Variants in CADM2 observed in about 807,000 individuals in gnomAD.
CADM2 encodes immunoglobulin superfamily member 4D.
Under a neutral mutation model 49.8 loss-of-function variants are expected in CADM2, and 12 were observed. That is an observed-to-expected ratio of 0.24 (90% CI 0.15 to 0.39). The LOEUF (loss-of-function observed/expected upper bound fraction) is 0.39. Among genes scored for constraint, CADM2 ranks in the 10% least tolerant of loss-of-function variants. The pLI is 1.00. For synonymous variants in CADM2, 214 were observed against 175.4 expected (o/e 1.22, Z -1.74); for missense variants, 378 against 492.3 (o/e 0.77, Z 2.20).
chr3:85,676,412 A>C (rs1250335642), intron 1 of CADM2, among the ~76,000 whole-genome samples: 6 of 152,126 alleles, frequency 3.9e-5, no homozygotes. Context: ...CATGCCTATT[A>C]ATTTAAAGTG....
intron 1 of CADM2, among the ~76,000 whole-genome samples, chr3:85,428,507 A>G (rs962895007): frequency 6.8e-6 from 1 of 146,392 alleles, no homozygotes; most frequent in Non-Finnish European, 1.5e-5. Flanking sequence ...CTATGGGGAT[A>G]TGTATTAGTA....
chr3:85,146,619 G>T (rs1360097776), intron 1 of CADM2, among the ~76,000 whole-genome samples: 2 of 151,962 alleles, frequency 1.3e-5, no homozygotes, highest in African/African-American at 4.8e-5. Flanking sequence ...GAATGTATTT[G>T]GAATTTTATT....
At chr3:85,934,686 G>T (rs1720984663) in intron 6 of CADM2, among the ~76,000 whole-genome samples, 1 of 151,914 alleles carries the variant, frequency 6.6e-6, no homozygotes, top group Non-Finnish European at 1.5e-5. Context: ...CTATATAGGA[G>T]AAATCTAAAT....
intron 1 of CADM2, among the ~76,000 whole-genome samples, chr3:85,516,063 G>A (rs1559881143): frequency 6.6e-6 from 1 of 152,082 alleles, no homozygotes; most frequent in East Asian, 1.9e-4. Flanking sequence ...CAGTGAATGT[G>A]CACTTAGAAG....
intron 1 of CADM2, among the ~76,000 whole-genome samples, chr3:85,075,470 CAT>C (rs888442818): frequency 2.6e-5 from 4 of 152,116 alleles, no homozygotes; most frequent in African/African-American, 4.8e-5. Flanking sequence ...AAATTGTACA[CAT>C]GTCTAGAGGA....
At chr3:85,660,328 T>G (rs960205924) in intron 1 of CADM2, among the ~76,000 whole-genome samples, 21 of 152,060 alleles carry the variant, frequency 1.4e-4, no homozygotes, top group African/African-American at 4.8e-4. Flanking sequence ...AGTGTTGGTT[T>G]GCTGGATTTT....
chr3:85,693,566 CAAA>C (rs562723713), intron 1 of CADM2, among the ~76,000 whole-genome samples: 1 of 76,120 alleles, frequency 1.3e-5, no homozygotes. Context: ...GGCGAAAGAG[CAAA>C]AAAAAAAAAA....
At chr3:85,660,771 G>GA (rs2065376556) in intron 1 of CADM2, among the ~76,000 whole-genome samples, 1 of 152,026 alleles carries the variant, frequency 6.6e-6, no homozygotes, top group African/African-American at 2.4e-5. Context: ...ATCATGGACA[G>GA]ATAGACTTTG....
chr3:85,098,137 G>A (rs950998832), intron 1 of CADM2, among the ~76,000 whole-genome samples: 1 of 151,818 alleles, frequency 6.6e-6, no homozygotes, highest in Non-Finnish European at 1.5e-5. Flanking sequence ...CATGATAAAA[G>A]CATCTGTAGT....
At chr3:85,674,473 G>A (rs2065835813) in intron 1 of CADM2, among the ~76,000 whole-genome samples, 1 of 152,080 alleles carries the variant, frequency 6.6e-6, no homozygotes, top group Non-Finnish European at 1.5e-5. Flanking sequence ...GAAGTCACCA[G>A]GAATATAAAT....
chr3:85,892,131 C>G (rs1021945445), intron 5 of CADM2, among the ~76,000 whole-genome samples: 2 of 152,140 alleles, frequency 1.3e-5, no homozygotes, highest in South Asian at 4.1e-4. Flanking sequence ...ACTTAAGAGG[C>G]ATTGCAAGCA....
chr3:85,155,251 C>G (rs1485162889), intron 1 of CADM2, among the ~76,000 whole-genome samples: 1 of 147,836 alleles, frequency 6.8e-6, no homozygotes, highest in East Asian at 2.0e-4. Context: ...GAAGATCTAC[C>G]AAGCAAATGG....
chr3:85,723,455 C>T (rs1454691776), intron 1 of CADM2, among the ~76,000 whole-genome samples: 1 of 152,060 alleles, frequency 6.6e-6, no homozygotes, highest in Non-Finnish European at 1.5e-5. Context: ...TTGAACATGA[C>T]ATTCATGACA....
chr3:85,362,642 G>A (rs1352028895), intron 1 of CADM2, among the ~76,000 whole-genome samples: 1 of 152,108 alleles, frequency 6.6e-6, no homozygotes, highest in African/African-American at 2.4e-5. Context: ...TTCACATAAT[G>A]AGCTTCAGGA....
At chr3:85,209,621 T>G (rs1447368859) in intron 1 of CADM2, among the ~76,000 whole-genome samples, 1 of 152,072 alleles carries the variant, frequency 6.6e-6, no homozygotes, top group African/African-American at 2.4e-5. Context: ...ACAAATGCAT[T>G]TATTACTATT....
In CADM2 at chr3:85,274,146, T is replaced by C. The variant is rs1252844260; in HGVS notation, c.61+314478T>C. Among the ~76,000 whole-genome samples, 3 of 151,480 alleles carry C rather than the reference T, an allele frequency of 2.0e-5. No individual in the cohort carries two copies. The Admixed American group carries it at 2.0e-4, about 10-fold the overall frequency. On this transcript the variant is annotated intron_variant, in intron 1 of 9. Coordinates refer to ENST00000383699, the MANE Select transcript of CADM2 (RefSeq NM_001167675.2). Reference sequence around the variant, plus strand: ...TGAGTTTGATGAGAAATTTCAGTGATGCTGTAAGTTAAAGAGAAAATGAGA... The same window carrying C: ...TGAGTTTGATGAGAAATTTCAGTGACGCTGTAAGTTAAAGAGAAAATGAGA...
intron 1 of CADM2, among the ~76,000 whole-genome samples, chr3:85,046,834 A>G (rs2035678328): frequency 6.6e-6 from 1 of 152,058 alleles, no homozygotes; most frequent in Non-Finnish European, 1.5e-5. Context: ...ACATGTAAAG[A>G]CTGTTGTTAC....
chr3:85,488,626 G>A (rs568097899), intron 1 of CADM2, among the ~76,000 whole-genome samples: 1 of 152,148 alleles, frequency 6.6e-6, no homozygotes, highest in East Asian at 1.9e-4. Context: ...CCGACTCCCT[G>A]GTTCAAGAAA....
At chr3:85,042,772 G>T (rs532551734) in intron 1 of CADM2, among the ~76,000 whole-genome samples, 1 of 152,094 alleles carries the variant, frequency 6.6e-6, no homozygotes, top group Non-Finnish European at 1.5e-5. Context: ...TGTAAGAAAG[G>T]TATTATAAAA....
Sources: gnomAD v4.1 joint callset for allele counts (sites outside exome capture counted in the v4.1 genomes callset) on GRCh38, gnomAD v4.1.1 for gene constraint, MANE v1.5 for transcripts, NCBI Gene and HGNC (gene_info 2026-07-23, HGNC 2026-07-21) for gene names.